Variants in SMPD4 observed in about 807,000 individuals in gnomAD.
The protein encoded by SMPD4 is neutral sphingomyelinase 3.
SMPD4 carries 58 observed loss-of-function variants against 97.8 expected under a neutral mutation model. That is an observed-to-expected ratio of 0.59 (90% CI 0.48 to 0.74). The LOEUF (loss-of-function observed/expected upper bound fraction) is 0.74. SMPD4 is among the 30% of genes least tolerant of loss of function. The pLI is 0.00. For synonymous variants in SMPD4, 388 were observed against 450.0 expected (o/e 0.86, Z 1.74); for missense variants, 853 against 1,080.5 (o/e 0.79, Z 2.95).
chr2:130,173,823 G>A (rs1022578873), intron 3 of SMPD4, among the ~76,000 whole-genome samples, 167 bp from the exon 4 acceptor site: 2 of 152,240 alleles, frequency 1.3e-5, no homozygotes, highest in African/African-American at 4.8e-5. Context: ...TGGTGCCAAC[G>A]ACAAGAGCAG....
chr2:130,167,150 T>C (rs375695685), intron 9 of SMPD4, among the ~76,000 whole-genome samples: 2 of 151,324 alleles, frequency 1.3e-5, no homozygotes, highest in East Asian at 3.9e-4. Context: ...AGATGGAGTC[T>C]AGTTCTGTCA....
At chr2:130,173,233 A>G (rs774368972) in intron 5 of SMPD4, 46 bp downstream of exon 5, 2 of 1,563,504 alleles carry the variant, frequency 1.3e-6, no homozygotes, top group African/African-American at 1.4e-5. Flanking sequence ...GGGCTGTGCA[A>G]GGCCCACTGC....
chr2:130,157,674 A>C, intron 11 of SMPD4: 1 of 546,024 alleles, frequency 1.8e-6, no homozygotes, highest in Non-Finnish European at 3.1e-6. Context: ...AGACAGACAC[A>C]TCTGCAGAGG....
At chr2:130,157,957 G>A (rs1231822171) in intron 11 of SMPD4, 1 of 219,990 alleles carries the variant, frequency 4.5e-6, no homozygotes, top group African/African-American at 2.3e-5. Context: ...AGACAACATA[G>A]GGACACCCTG....
Position 130,154,499 on chromosome 2 carries a change from G to A in SMPD4, c.1454-17C>T, listed in dbSNP as rs540696396. 5.2e-6 allele frequency: 8 copies of A among 1,551,732 alleles called. No homozygotes were observed. The highest frequency in any genetic ancestry group is 2.4e-5 in the East Asian group (1 of 40,916). ...GCTGCTCACCTAGAAGGCAGGAGAC[G>A]AACCTGGCACCCACTTCCCGGAGGC... On this transcript the variant is annotated splice_polypyrimidine_tract_variant and intron_variant, in intron 15 of 19. Transcript: ENST00000680298.
intron 12 of SMPD4, 92 bp from the exon 13 acceptor site, chr2:130,156,767 T>C: frequency 3.2e-6 from 5 of 1,555,894 alleles, no homozygotes; most frequent in Non-Finnish European, 4.3e-6. Context: ...GAGGGTTGGC[T>C]CCGCCGGGGG....
In SMPD4 at chr2:130,173,654, C is replaced by T; in HGVS notation, c.129G>A (p.Glu43=). Residue 43 remains glutamate, a splice_region_variant and synonymous_variant, in exon 4 of 20, where the codon GAG becomes GAA. Transcript: ENST00000680298. Reference sequence around the variant, plus strand: ...CCAGCCATGGGAAGATGGTGTGCAGCTCCTGAAACAATGTGTGGTGAAGCC... The same window carrying T: ...CCAGCCATGGGAAGATGGTGTGCAGTTCCTGAAACAATGTGTGGTGAAGCC... ...VKVIEDFPAK[E]LHTIFPWLVE... 1 of 1,613,894 alleles carries T rather than the reference C, an allele frequency of 6.2e-7. No individual in the cohort carries two copies. The highest frequency in any genetic ancestry group is 8.5e-7 in the Non-Finnish European group (1 of 1,179,862).
At chr2:130,181,257 A>C in intron 1 of SMPD4, 2 of 1,350,012 alleles carry the variant, frequency 1.5e-6, no homozygotes, top group African/African-American at 1.5e-5. Context: ...TCCTTCCCTC[A>C]ATTCCTTCAA....
intron 8 of SMPD4, among the ~76,000 whole-genome samples, chr2:130,170,668 G>A (rs538535126): frequency 1.3e-4 from 20 of 151,822 alleles, no homozygotes; most frequent in Non-Finnish European, 2.9e-4. Context: ...GGAGGTTGAA[G>A]TGGGAGGATC....
In SMPD4 at chr2:130,165,108, TAAA is replaced by T. The variant is rs35361623; in HGVS notation, c.793-666_793-664del. On this transcript the variant is annotated intron_variant, in intron 9 of 19. Transcript: ENST00000680298. The stretch of plus-strand genomic sequence containing the variant: ...CTGGCAACAAAGACAGACTCTGATT[TAAA>T]AAAAAAAAAAAAAAAAAAAAAAAAA... Among the ~76,000 whole-genome samples the T allele has an allele frequency of 9.5e-3, 590 of 61,882 alleles. 7 individuals are homozygous for T. The highest frequency in any genetic ancestry group is 0.038 in the African/African-American group (547 of 14,446). The allele number at this position is 61,882 out of a possible 152,430, so 40.6% of individuals were successfully genotyped here.
At position 130,161,185 on chromosome 2, in the gene SMPD4, C is replaced by T; in HGVS notation, c.951+1G>A. 1 of 1,612,830 alleles carries T rather than the reference C, an allele frequency of 6.2e-7. No homozygotes were observed. The highest frequency in any genetic ancestry group is 8.5e-7 in the Non-Finnish European group (1 of 1,179,622). On this transcript the variant is annotated splice_donor_variant, in intron 11 of 19. Transcript: ENST00000680298. LOFTEE classifies it high-confidence loss of function. The stretch of plus-strand genomic sequence containing the variant: ...GAGGAAGGGAACGAATGAGCCAGTA[C>T]TTGGTAGGCGTGGAGGGCCTGGAGG...
Position 130,181,553 on chromosome 2 carries a change from G to A in SMPD4, c.-69C>T, listed in dbSNP as rs375402672. On this transcript the variant is annotated 5_prime_UTR_variant, in exon 1 of 20. The change creates a premature stop within an existing upstream ORF in the 5' untranslated region. Coordinates refer to ENST00000680298, the MANE Select transcript of SMPD4 (RefSeq NM_017951.5). ...ACCTGTGGGATCCATAGCGTCGCTC[G>A]CCTCAGAGATGGAAGCCGCCATTCC... 1.2e-6 allele frequency: 2 copies of A among 1,606,116 alleles called. No individual in the cohort carries two copies. The highest frequency in any genetic ancestry group is 1.7e-6 in the Non-Finnish European group (2 of 1,177,364).
chr2:130,178,449 G>C (rs537295403), intron 1 of SMPD4, among the ~76,000 whole-genome samples: 1 of 152,126 alleles, frequency 6.6e-6, no homozygotes, highest in East Asian at 1.9e-4. Flanking sequence ...TGCAATGAAC[G>C]GAGGGGAAGA....
chr2:130,157,504 C>A (rs1319719536), intron 11 of SMPD4, 108 bp from the exon 12 acceptor site: 3 of 1,534,680 alleles, frequency 2.0e-6, no homozygotes, highest in East Asian at 2.4e-5. Flanking sequence ...CTGCTGCCCC[C>A]ACGGGAGGCA....
chr2:130,161,519 C>T (rs1411517015), intron 10 of SMPD4, among the ~76,000 whole-genome samples: 2 of 152,230 alleles, frequency 1.3e-5, no homozygotes, highest in Non-Finnish European at 2.9e-5. Flanking sequence ...CAGGCCAGGG[C>T]TGTGGCCACA....
Position 130,176,573 on chromosome 2 carries a change from T to G in SMPD4, c.20A>C (p.Gln7Pro). The G allele has an allele frequency of 6.2e-7, 1 of 1,613,308 alleles. No individual in the cohort carries two copies. Among genetic ancestry groups the G allele is most frequent in the African/African-American group, 1.3e-5 (1 of 75,012 alleles). Reference sequence around the variant, plus strand: ...ATTTACCAGTAGAAAGCTGGGCTGCTGCAGGTGAGGGAACGCCATAGCAGC... The same window carrying G: ...ATTTACCAGTAGAAAGCTGGGCTGCGGCAGGTGAGGGAACGCCATAGCAGC... MAFPHL[Q>P]QPSFLLASLK... The change falls in exon 2 of 20, where the codon CAG (glutamine) becomes CCG (proline). Residue 7 changes from glutamine to proline, a missense_variant. Physicochemically the swap from Gln to Pro is moderately conservative, Grantham distance 76. Coordinates refer to ENST00000680298, the MANE Select transcript of SMPD4 (RefSeq NM_017951.5).
In SMPD4 at chr2:130,153,773, C is replaced by T; in HGVS notation, c.1822G>A (p.Gly608Arg). 6.2e-7 allele frequency: 1 copy of T among 1,614,014 alleles called. No homozygotes were observed. Among genetic ancestry groups the T allele is most frequent in the Non-Finnish European group, 8.5e-7 (1 of 1,179,876 alleles). ...TCTGTCTTCCGGACACTGTCTTGCCCCATCTCGTCCAGGTCGTTGGCTGTG... is the reference window on the plus strand; with the variant it reads ...TCTGTCTTCCGGACACTGTCTTGCCTCATCTCGTCCAGGTCGTTGGCTGTG... ...SYTANDLDEM[G>R]QDSVRKTDEY... The change falls in exon 17 of 20, where the codon GGG becomes AGG. Residue 608 changes from glycine (G) to arginine (R), a missense_variant. Transcript: ENST00000680298.
intron 2 of SMPD4, 61 bp downstream of exon 2, chr2:130,176,493 C>T: frequency 7.2e-7 from 1 of 1,390,988 alleles, no homozygotes; most frequent in Non-Finnish European, 1.0e-6. Flanking sequence ...GAAGAACACT[C>T]AAGTCCCACA....
chr2:130,161,494 A>G (rs1424437752), intron 10 of SMPD4, among the ~76,000 whole-genome samples: 1 of 151,796 alleles, frequency 6.6e-6, no homozygotes, highest in Non-Finnish European at 1.5e-5. Context: ...CCAGCGCAGC[A>G]CCCCCCTCCA....
Sources: allele counts gnomAD v4.1 joint callset (sites outside exome capture counted in the v4.1 genomes callset), GRCh38; gene constraint gnomAD v4.1.1; transcripts MANE v1.5; gene names NCBI Gene and HGNC (gene_info 2026-07-23, HGNC 2026-07-21).